The following DOP1A variants were observed in gnomAD, a reference collection of about 807,000 sequenced individuals.
DOP1A encodes the protein protein DOP1A.
Under a neutral mutation model 267.6 loss-of-function variants are expected in DOP1A, and 90 were observed. The ratio of observed to expected loss-of-function variants is 0.34; its 90% CI spans 0.28 to 0.40. DOP1A has a LOEUF of 0.40. Among genes scored for constraint, DOP1A ranks in the 10% least tolerant of loss-of-function variants. The pLI is 1.00. For missense variants in DOP1A, 2,437 were observed against 2,900.4 expected, an observed-to-expected ratio of 0.84 and a Z score of 3.67; for synonymous variants, 932 against 999.1, an observed-to-expected ratio of 0.93 and a Z score of 1.27.
chr6:83,158,486 T>G, intron 35 of DOP1A, 81 bp from the exon 36 acceptor site: 1 of 1,104,242 alleles, frequency 9.1e-7, no homozygotes, highest in Non-Finnish European at 1.3e-6. Flanking sequence ...GTTTTTGCGT[T>G]AATGAAAATA....
chr6:83,153,939 C>T lies in DOP1A; in HGVS notation c.6285C>T (p.Ser2095=). 5.6e-6 allele frequency: 9 copies of T among 1,613,796 alleles called. No homozygotes were observed. Among genetic ancestry groups the T allele is most frequent in the East Asian group, 2.2e-5 (1 of 44,864 alleles). The change falls in exon 32 of 39, where the codon AGC becomes AGT. Residue 2095 remains serine, a synonymous_variant. Transcript: ENST00000349129. ...PSYRACVQLL[S]SLSGYQYTRR... is the part of the protein sequence containing the mutation. The stretch of plus-strand genomic sequence containing the variant: ...ATCGAGCTTGTGTCCAGCTGCTCAG[C>T]AGTCTTAGTGGGTATCAGTACACAC...
intron 23 of DOP1A, 125 bp from the exon 24 acceptor site, chr6:83,141,796 G>T: frequency 1.2e-6 from 1 of 868,688 alleles, no homozygotes; most frequent in Admixed American, 3.5e-5. Context: ...GTTTCCTCTA[G>T]TGTTATTTAG....
intron 4 of DOP1A, 102 bp from the exon 5 acceptor site, chr6:83,108,808 A>C (rs940801083): frequency 2.8e-5 from 32 of 1,150,352 alleles, no homozygotes; most frequent in Non-Finnish European, 3.6e-5. Context: ...CAATCAGTAT[A>C]ACTTTTTCAT....
intron 4 of DOP1A, among the ~76,000 whole-genome samples, 175 bp downstream of exon 4, chr6:83,101,061 G>A (rs1388706952): frequency 6.6e-6 from 1 of 152,208 alleles, no homozygotes; most frequent in East Asian, 1.9e-4. Context: ...TGTCACCCAG[G>A]CTGGAGTGCA....
At chr6:83,076,296 G>C (rs1767078006) in intron 1 of DOP1A, among the ~76,000 whole-genome samples, 1 of 152,108 alleles carries the variant, frequency 6.6e-6, no homozygotes. Context: ...GGCCGAGGTG[G>C]GTGGATGATG....
At chr6:83,157,356 A>G (rs757147390) in intron 35 of DOP1A, 38 bp downstream of exon 35, 2 of 1,596,590 alleles carry the variant, frequency 1.3e-6, no homozygotes, top group South Asian at 1.1e-5. Flanking sequence ...ATAAATCTAA[A>G]TGATAAAACA....
chr6:83,139,181 C>A lies in DOP1A; in HGVS notation c.5120+19C>A. 6.4e-7 allele frequency: 1 copy of A among 1,572,358 alleles called. No individual in the cohort carries two copies. Among genetic ancestry groups the A allele is most frequent in the Non-Finnish European group, 8.7e-7 (1 of 1,149,540 alleles). On this transcript the variant is annotated intron_variant, in intron 21 of 38. Coordinates refer to ENST00000349129, the MANE Select transcript of DOP1A (RefSeq NM_015018.4). The stretch of plus-strand genomic sequence containing the variant: ...ATAGTAGGTAAGAGGTGATTTTTAA[C>A]TTTATTGGTACTGACATTTTTCACA...
chr6:83,149,073 T>C (rs930379363), intron 27 of DOP1A, among the ~76,000 whole-genome samples: 3 of 151,766 alleles, frequency 2.0e-5, no homozygotes, highest in African/African-American at 7.3e-5. Context: ...TGTTTATACA[T>C]ATACAAAATG....
chr6:83,080,533 A>G, intron 1 of DOP1A, among the ~76,000 whole-genome samples: 1 of 152,186 alleles, frequency 6.6e-6, no homozygotes, highest in East Asian at 1.9e-4. Flanking sequence ...GTGCTTAATA[A>G]TAGAATTTGT....
chr6:83,080,252 C>T (rs919427366), intron 1 of DOP1A, among the ~76,000 whole-genome samples: 1 of 152,036 alleles, frequency 6.6e-6, no homozygotes, highest in Non-Finnish European at 1.5e-5. Context: ...ATCCTAAAAG[C>T]AAAATTTAGT....
chr6:83,138,836 T>C lies in DOP1A; in HGVS notation c.4794T>C (p.Thr1598=). The change falls in exon 21 of 39, where the codon ACT becomes ACC. Residue 1598 remains threonine (T), a synonymous_variant. Coordinates refer to ENST00000349129, the MANE Select transcript of DOP1A (RefSeq NM_015018.4). ...TTGTTCTAGAACACAGAGTAATGAC[T>C]ATTCCTGAAGAGAATGAAACAGGTT... ...RLIVLEHRVM[T]IPEENETGFD... 1 of 1,614,048 alleles carries C rather than the reference T, an allele frequency of 6.2e-7. No individual in the cohort carries two copies. Among genetic ancestry groups the C allele is most frequent in the Non-Finnish European group, 8.5e-7 (1 of 1,179,950 alleles).
Position 83,152,056 on chromosome 6 carries a change from A to G in DOP1A, c.6049+29A>G, listed in dbSNP as rs371310861. 34 of 1,612,608 alleles carry G rather than the reference A, an allele frequency of 2.1e-5. No individual in the cohort carries two copies. In the African/African-American group the frequency reaches 4.3e-4, roughly 20 times the overall value. On this transcript the variant is annotated intron_variant, in intron 29 of 38. Coordinates refer to ENST00000349129, the MANE Select transcript of DOP1A (RefSeq NM_015018.4). ...TTCTTGTCAAACATTTAGGTTTATT[A>G]TCTGTAAGCAGGCATATATTTACTA...
intron 38 of DOP1A, among the ~76,000 whole-genome samples, chr6:83,163,805 C>A (rs1409647164): frequency 6.6e-6 from 1 of 152,014 alleles, no homozygotes; most frequent in Non-Finnish European, 1.5e-5. Flanking sequence ...TAATATAAAG[C>A]ATCTTCTTAG....
chr6:83,103,006 A>G (rs1031669862), intron 4 of DOP1A, among the ~76,000 whole-genome samples: 1 of 152,154 alleles, frequency 6.6e-6, no homozygotes, highest in Non-Finnish European at 1.5e-5. Flanking sequence ...TCCTCAGAAG[A>G]CTTGCTTAAT....
intron 23 of DOP1A, among the ~76,000 whole-genome samples, chr6:83,140,920 T>C (rs1386490743): frequency 6.6e-6 from 1 of 152,136 alleles, no homozygotes; most frequent in Non-Finnish European, 1.5e-5. Context: ...AAAGCCCTCC[T>C]AGAAAACAAT....
Position 83,119,735 on chromosome 6 carries a change from T to C in DOP1A, c.881-13T>C. On this transcript the variant is annotated splice_polypyrimidine_tract_variant and intron_variant, in intron 8 of 38. Coordinates refer to ENST00000349129, the MANE Select transcript of DOP1A (RefSeq NM_015018.4). The stretch of plus-strand genomic sequence containing the variant: ...TTCCATTTTAAGTAATTTTGTGATT[T>C]GTTTCCATGGAGGTTTTGATAACAA... 6.2e-7 allele frequency: 1 copy of C among 1,601,746 alleles called. No individual in the cohort carries two copies. The highest frequency in any genetic ancestry group is 8.5e-7 in the Non-Finnish European group (1 of 1,173,476).
At chr6:83,160,037 A>C in intron 37 of DOP1A, 77 bp downstream of exon 37, 1 of 1,432,546 alleles carries the variant, frequency 7.0e-7, no homozygotes, top group Non-Finnish European at 9.5e-7. Flanking sequence ...ATGACTAATT[A>C]AAAAGTTTTT....
At chr6:83,170,301 T>C (rs1407162971), downstream of DOP1A, 1 of 1,613,916 alleles carries the variant, frequency 6.2e-7, no homozygotes, top group South Asian at 1.1e-5. Context: ...CTATCCCAGC[T>C]TACTTGTGAG....
Position 83,138,349 on chromosome 6 carries a change from A to T in DOP1A, c.4307A>T (p.Tyr1436Phe). ...ATTTCTGTTATGGGCAAAGATTTTT[A>T]TAGTCACATTCCAGTGGACTCAAAT... ...HRISVMGKDF[Y>F]SHIPVDSNHN... Residue 1436 changes from tyrosine to phenylalanine, a missense_variant, in exon 21 of 39, where the codon TAT (tyrosine) becomes TTT (phenylalanine). By Grantham distance (22) the Tyr-to-Phe change is conservative. Coordinates refer to ENST00000349129, the MANE Select transcript of DOP1A (RefSeq NM_015018.4). 6.2e-7 allele frequency: 1 copy of T among 1,611,478 alleles called. No homozygotes were observed. Among genetic ancestry groups the T allele is most frequent in the Non-Finnish European group, 8.5e-7 (1 of 1,179,924 alleles).
Sources: gnomAD v4.1 joint callset for allele counts (sites outside exome capture counted in the v4.1 genomes callset) on GRCh38, gnomAD v4.1.1 for gene constraint, MANE v1.5 for transcripts, NCBI Gene and HGNC (gene_info 2026-07-23, HGNC 2026-07-21) for gene names.